The following MACROD2 variants were observed in gnomAD, a reference collection of about 807,000 sequenced individuals.
MACROD2 encodes the protein ADP-ribose glycohydrolase MACROD2.
Under a neutral mutation model 70.4 loss-of-function variants are expected in MACROD2, and 36 were observed. That is an observed-to-expected ratio of 0.51 (90% CI 0.39 to 0.68). The LOEUF is 0.68. Among genes scored for constraint, MACROD2 ranks in the 30% least tolerant of loss-of-function variants. The pLI is 0.00. For missense variants in MACROD2, 496 were observed against 538.4 expected, an observed-to-expected ratio of 0.92 and a Z score of 0.78; for synonymous variants, 172 against 178.8, an observed-to-expected ratio of 0.96 and a Z score of 0.30.
intron 4 of MACROD2, among the ~76,000 whole-genome samples, chr20:14,598,548 T>A (rs1041970054): frequency 4.6e-5 from 7 of 152,218 alleles, no homozygotes; most frequent in Non-Finnish European, 8.8e-5. Context: ...GTTTATATTT[T>A]GCATTCCTAA....
At chr20:14,950,253 G>C (rs761920645) in intron 5 of MACROD2, among the ~76,000 whole-genome samples, 1 of 152,086 alleles carries the variant, frequency 6.6e-6, no homozygotes, top group Non-Finnish European at 1.5e-5. Flanking sequence ...TCATCCTGGG[G>C]TTTTCAGACT....
At chr20:14,643,457 C>T (rs1481260839) in intron 4 of MACROD2, among the ~76,000 whole-genome samples, 1 of 152,098 alleles carries the variant, frequency 6.6e-6, no homozygotes, top group Non-Finnish European at 1.5e-5. Context: ...GTGCAAATGG[C>T]ACTGACATTT....
chr20:15,770,027 G>A (rs2051595600), intron 8 of MACROD2, among the ~76,000 whole-genome samples: 1 of 150,386 alleles, frequency 6.6e-6, no homozygotes, highest in African/African-American at 2.5e-5. Context: ...TTTTGCATCT[G>A]AAGGAAAGGA....
chr20:15,078,009 C>T (rs1351941133), intron 5 of MACROD2, among the ~76,000 whole-genome samples: 1 of 152,012 alleles, frequency 6.6e-6, no homozygotes, highest in African/African-American at 2.4e-5. Flanking sequence ...GCTACCCAAG[C>T]CATTACTCTT....
intron 6 of MACROD2, among the ~76,000 whole-genome samples, chr20:15,396,982 T>A (rs2045868164): frequency 6.6e-6 from 1 of 152,232 alleles, no homozygotes; most frequent in African/African-American, 2.4e-5. Context: ...TGCCTGACTA[T>A]GCTTTCTCTG....
chr20:16,033,025 A>C (rs2067176041), intron 15 of MACROD2, among the ~76,000 whole-genome samples: 1 of 152,086 alleles, frequency 6.6e-6, no homozygotes, highest in Admixed American at 6.6e-5. Context: ...TTGACTAAAA[A>C]CAATTATTCT....
intron 6 of MACROD2, among the ~76,000 whole-genome samples, chr20:15,358,475 CATT>C (rs1238974714): frequency 1.3e-5 from 2 of 148,674 alleles, no homozygotes; most frequent in African/African-American, 5.0e-5. Context: ...CGTTTTATAA[CATT>C]AATACTTGAT....
At chr20:15,778,949 A>T (rs2051782618) in intron 8 of MACROD2, among the ~76,000 whole-genome samples, 1 of 152,156 alleles carries the variant, frequency 6.6e-6, no homozygotes, top group African/African-American at 2.4e-5. Flanking sequence ...AATTCTATGC[A>T]ATCTAATCAA....
rs530684342 is a variant in MACROD2 at position 14,324,590 on chromosome 20, T to C, written c.272-168889T>C. The stretch of plus-strand genomic sequence containing the variant: ...CTGGATTGTTGAGGGGAATCGCTTA[T>C]AATTACATTACATTTTTAATATGCA... On this transcript the variant is annotated intron_variant, in intron 3 of 17. Transcript: ENST00000684519. The C allele has an allele frequency of 3.9e-5, 6 of 152,280 alleles. No homozygotes were observed. In the South Asian group the frequency reaches 1.2e-3, roughly 32 times the overall value. 9.4% of individuals were successfully genotyped at this position (152,280 alleles called of 1,614,324 possible).
At chr20:15,975,177 A>G (rs564370888) in intron 13 of MACROD2, among the ~76,000 whole-genome samples, 3 of 152,284 alleles carry the variant, frequency 2.0e-5, no homozygotes, top group Non-Finnish European at 1.5e-5. Flanking sequence ...ATATAAATAA[A>G]TGCAAATAAA....
At chr20:14,473,223 A>T (rs1263589372) in intron 3 of MACROD2, among the ~76,000 whole-genome samples, 1 of 152,104 alleles carries the variant, frequency 6.6e-6, no homozygotes, top group Non-Finnish European at 1.5e-5. Flanking sequence ...CAGTCACCCT[A>T]CTGTGCAATA....
chr20:15,033,223 T>C (rs1240013371), intron 5 of MACROD2, among the ~76,000 whole-genome samples: 2 of 152,182 alleles, frequency 1.3e-5, no homozygotes, highest in Non-Finnish European at 2.9e-5. Flanking sequence ...CAGTGATAAA[T>C]TACATTATGT....
At chr20:14,519,076 A>G (rs1336826024) in intron 4 of MACROD2, among the ~76,000 whole-genome samples, 1 of 152,224 alleles carries the variant, frequency 6.6e-6, no homozygotes, top group Non-Finnish European at 1.5e-5. Context: ...CTTCTTCACT[A>G]GAGATAGACA....
chr20:14,295,825 T>A (rs1980624), intron 3 of MACROD2, among the ~76,000 whole-genome samples: 29,569 of 151,666 alleles, frequency 0.19, 3,344 homozygotes, highest in South Asian at 0.34. Context: ...AGGATAAAAC[T>A]TTTATTGCAC....
Position 16,032,921 on chromosome 20 carries a change from T to C in MACROD2, c.1154-8280T>C, listed in dbSNP as rs1439668553. Among the ~76,000 whole-genome samples the C allele has an allele frequency of 2.0e-5, 3 of 151,892 alleles. No individual in the cohort carries two copies. In the East Asian group the frequency reaches 5.8e-4, roughly 29 times the overall value. The stretch of plus-strand genomic sequence containing the variant: ...TCTGGACACCCTATCTACTAAGAGG[T>C]AAAAACTGAAAATGCCTCTGAAGAG... On this transcript the variant is annotated intron_variant, in intron 15 of 17. Coordinates refer to ENST00000684519, the MANE Select transcript of MACROD2 (RefSeq NM_001351661.2).
chr20:15,726,425 T>A (rs554664761), intron 8 of MACROD2, among the ~76,000 whole-genome samples: 1 of 152,330 alleles, frequency 6.6e-6, no homozygotes, highest in South Asian at 2.1e-4. Context: ...GTAGAACAAT[T>A]TCTGTTACTT....
At chr20:14,178,845 T>C (rs910978188) in intron 3 of MACROD2, among the ~76,000 whole-genome samples, 1 of 151,074 alleles carries the variant, frequency 6.6e-6, no homozygotes, top group Non-Finnish European at 1.5e-5. Context: ...TTTCAGTAAC[T>C]TCCCCCTTTA....
At chr20:15,912,274 G>C (rs1273786397) in intron 10 of MACROD2, among the ~76,000 whole-genome samples, 1 of 152,170 alleles carries the variant, frequency 6.6e-6, no homozygotes, top group Non-Finnish European at 1.5e-5. Flanking sequence ...TTCCCTTTGG[G>C]TGTTCAATTG....
chr20:15,716,650 G>A (rs538640232), intron 8 of MACROD2, among the ~76,000 whole-genome samples: 3 of 151,850 alleles, frequency 2.0e-5, no homozygotes, highest in Non-Finnish European at 2.9e-5. Flanking sequence ...TCTTTTTCTC[G>A]CTCATCACAA....
Sources: allele counts gnomAD v4.1 joint callset (sites outside exome capture counted in the v4.1 genomes callset), GRCh38; gene constraint gnomAD v4.1.1; transcripts MANE v1.5; gene names NCBI Gene and HGNC (gene_info 2026-07-23, HGNC 2026-07-21).